PTPRD: variants seen among roughly 807,000 people sequenced by gnomAD.
The protein encoded by PTPRD is receptor-type tyrosine-protein phosphatase delta.
In PTPRD, 34 loss-of-function variants were observed where a neutral mutation model predicts 214.5. The ratio of observed to expected loss-of-function variants is 0.16; its 90% confidence interval spans 0.12 to 0.21. The LOEUF (loss-of-function observed/expected upper bound fraction) is 0.21. Ranked by LOEUF, PTPRD falls within the 10% of genes least tolerant of loss-of-function variation. PTPRD has a pLI of 1.00. For synonymous variants in PTPRD, 1,128 were observed against 845.7 expected, an observed-to-expected ratio of 1.33 and a Z score of -5.79; for missense variants, 2,545 against 2,398.7, an observed-to-expected ratio of 1.06 and a Z score of -1.27.
chr9:10,367,176 A>G (rs1052418905), intron 2 of PTPRD, among the ~76,000 whole-genome samples: 15 of 152,104 alleles, frequency 9.9e-5, no homozygotes, highest in Admixed American at 8.5e-4. Context: ...GAAAAATGGA[A>G]TCACTTAGAG....
At chr9:9,998,092 G>C (rs1277229839) in intron 4 of PTPRD, among the ~76,000 whole-genome samples, 1 of 126,286 alleles carries the variant, frequency 7.9e-6, no homozygotes, top group African/African-American at 3.6e-5. Context: ...CTGTGCACAT[G>C]TACCCTAGAA....
chr9:8,735,145 T>G (rs1255111307), intron 11 of PTPRD, among the ~76,000 whole-genome samples: 1 of 137,958 alleles, frequency 7.2e-6, no homozygotes, highest in Non-Finnish European at 1.6e-5. Context: ...TTTGTTTTTT[T>G]TTTTCTGTTT....
chr9:10,027,776 G>A (rs1270384224), intron 4 of PTPRD, among the ~76,000 whole-genome samples: 1 of 152,104 alleles, frequency 6.6e-6, no homozygotes, highest in East Asian at 1.9e-4. Context: ...AAATCATACA[G>A]ATTGAAGTTT....
intron 11 of PTPRD, among the ~76,000 whole-genome samples, chr9:8,753,337 C>T (rs1277862750): frequency 6.6e-6 from 1 of 152,194 alleles, no homozygotes; most frequent in Non-Finnish European, 1.5e-5. Flanking sequence ...TCACCAAGTA[C>T]ACTGACAGGT....
chr9:10,604,136 A>G (rs1417473860), intron 2 of PTPRD, among the ~76,000 whole-genome samples: 3 of 151,478 alleles, frequency 2.0e-5, no homozygotes, highest in Non-Finnish European at 3.0e-5. Flanking sequence ...GTAATGGAGG[A>G]AAGAAAAGCC....
chr9:10,376,561 T>C (rs1271656767), intron 2 of PTPRD, among the ~76,000 whole-genome samples: 2 of 151,720 alleles, frequency 1.3e-5, no homozygotes, highest in African/African-American at 2.4e-5. Flanking sequence ...AAAGCAATTA[T>C]TACTGGAATT....
intron 31 of PTPRD, among the ~76,000 whole-genome samples, chr9:8,466,398 C>G (rs574016591): frequency 6.6e-6 from 1 of 151,890 alleles, no homozygotes; most frequent in Non-Finnish European, 1.5e-5. Flanking sequence ...AATTTTAGTA[C>G]TGCCCTGAAG....
chr9:9,851,756 G>A (rs2060589270), intron 5 of PTPRD, among the ~76,000 whole-genome samples: 1 of 152,096 alleles, frequency 6.6e-6, no homozygotes, highest in Admixed American at 6.6e-5. Context: ...TTCCAACCTG[G>A]ACAACACAGC....
chr9:9,497,596 A>G (rs1270675425), intron 8 of PTPRD, among the ~76,000 whole-genome samples: 1 of 152,188 alleles, frequency 6.6e-6, no homozygotes, highest in African/African-American at 2.4e-5. Flanking sequence ...GGTTTTGGTA[A>G]GAACATTTGT....
intron 42 of PTPRD, among the ~76,000 whole-genome samples, chr9:8,339,728 C>T (rs1850616712): frequency 6.6e-6 from 1 of 151,658 alleles, no homozygotes; most frequent in South Asian, 2.1e-4. Flanking sequence ...ATAATGCTTA[C>T]ATCAAGTCAA....
chr9:8,352,080 C>G (rs1166298265), intron 39 of PTPRD, among the ~76,000 whole-genome samples: 2 of 61,860 alleles, frequency 3.2e-5, no homozygotes, highest in Non-Finnish European at 5.7e-5. Flanking sequence ...TGGGCCTAAT[C>G]TGATTTTTTT....
intron 20 of PTPRD, among the ~76,000 whole-genome samples, chr9:8,520,241 T>C (rs1465587136): frequency 6.6e-6 from 1 of 152,216 alleles, no homozygotes; most frequent in Non-Finnish European, 1.5e-5. Flanking sequence ...ACATGTGTGC[T>C]TATTATATTA....
At chr9:10,516,280 G>T (rs1414400406) in intron 2 of PTPRD, among the ~76,000 whole-genome samples, 1 of 151,700 alleles carries the variant, frequency 6.6e-6, no homozygotes, top group Non-Finnish European at 1.5e-5. Context: ...CTGGCATGAG[G>T]TGATATCTCA....
intron 14 of PTPRD, among the ~76,000 whole-genome samples, chr9:8,545,129 T>G (rs7043979): frequency 0.037 from 5,588 of 152,178 alleles, 349 homozygotes; most frequent in African/African-American, 0.13. Context: ...TAGTGGTAGA[T>G]TTAACAAACA....
intron 10 of PTPRD, among the ~76,000 whole-genome samples, chr9:9,165,980 T>G (rs1266912572): frequency 2.6e-5 from 4 of 152,126 alleles, no homozygotes; most frequent in African/African-American, 9.7e-5. Context: ...TCTCAGTGAC[T>G]AGCTCTTATC....
chr9:9,974,723 C>T (rs189393720), intron 4 of PTPRD, among the ~76,000 whole-genome samples: 3 of 152,298 alleles, frequency 2.0e-5, no homozygotes, highest in Non-Finnish European at 2.9e-5. Context: ...CCTACCTAGA[C>T]TGTGAGCTCT....
At chr9:8,468,417 G>C (rs1448813073) in intron 31 of PTPRD, among the ~76,000 whole-genome samples, 1 of 151,952 alleles carries the variant, frequency 6.6e-6, no homozygotes, top group Non-Finnish European at 1.5e-5. Context: ...CATTCTGGGA[G>C]TCATTCTGCC....
At chr9:8,414,512 T>A (rs1362695818) in intron 35 of PTPRD, among the ~76,000 whole-genome samples, 2 of 152,124 alleles carry the variant, frequency 1.3e-5, no homozygotes, top group African/African-American at 4.8e-5. Context: ...TTTGAACAGT[T>A]GTGCTCCCCA....
chr9:9,138,532 T>C (rs1358948759), intron 10 of PTPRD, among the ~76,000 whole-genome samples: 1 of 151,534 alleles, frequency 6.6e-6, no homozygotes, highest in Non-Finnish European at 1.5e-5. Context: ...CTTGTGACCA[T>C]TTACCCATTT....
Sources: gnomAD v4.1 joint callset for allele counts (sites outside exome capture counted in the v4.1 genomes callset) on GRCh38, gnomAD v4.1.1 for gene constraint, MANE v1.5 for transcripts, NCBI Gene and HGNC (gene_info 2026-07-23, HGNC 2026-07-21) for gene names.